The following CARHSP1 variants were observed in gnomAD, a reference collection of about 807,000 sequenced individuals.
CARHSP1 encodes calcium-regulated heat-stable protein 1.
In CARHSP1, 14 loss-of-function variants were observed where a neutral mutation model predicts 12.5. That is an observed-to-expected ratio of 1.12 (90% CI 0.74 to 1.75). The LOEUF (loss-of-function observed/expected upper bound fraction) is 1.75. Among genes scored for constraint, CARHSP1 ranks in the 40% most tolerant of loss-of-function variants. The pLI, the probability that CARHSP1 is intolerant of heterozygous loss-of-function variation, is 0.00. For synonymous variants in CARHSP1, 161 were observed against 82.0 expected, an observed-to-expected ratio of 1.96 and a Z score of -5.20; for missense variants, 343 against 201.6, an observed-to-expected ratio of 1.70 and a Z score of -4.25.
chr16:8,862,102 A>T lies in CARHSP1; in HGVS notation c.-7-2767T>A, dbSNP rs548865460. On this transcript the variant is annotated intron_variant, in intron 1 of 3. Coordinates refer to ENST00000311052, the MANE Select transcript of CARHSP1 (RefSeq NM_014316.4). ...ACTGCAACCTCCACCTTCTGGGTTCAAGTGATTCTCCTGCCTCAGCCTCCC... is the reference window on the plus strand; with the variant it reads ...ACTGCAACCTCCACCTTCTGGGTTCTAGTGATTCTCCTGCCTCAGCCTCCC... Among the ~76,000 whole-genome samples the T allele has an allele frequency of 3.7e-4, 55 of 147,466 alleles. 1 individual carries two copies. The highest frequency in any genetic ancestry group is 3.3e-3 in the Admixed American group (47 of 14,386).
intron 1 of CARHSP1, among the ~76,000 whole-genome samples, chr16:8,864,606 G>A (rs168841): frequency 0.14 from 21,583 of 152,162 alleles, 1,893 homozygotes; most frequent in Admixed American, 0.24. Flanking sequence ...GAAATGCTAC[G>A]GAGAAAAAGC....
chr16:8,858,383 T>G lies in CARHSP1; in HGVS notation c.248A>C (p.Asp83Ala), dbSNP rs146191032. The part of the protein sequence containing the change: ...SKGHGFITPA[D>A]GGPDIFLHIS... ...GTGCAGGAAGATGTCGGGGCCGCCA[T>G]CAGCTGGAGTAATGAAGCCATGGCC... is the stretch of plus-strand genomic sequence containing the variant. Residue 83 changes from aspartate (D) to alanine (A), a missense_variant, in exon 3 of 4, where the codon GAT becomes GCT. Physicochemically the swap from Asp to Ala is moderately radical, Grantham distance 126. Coordinates refer to ENST00000311052, the MANE Select transcript of CARHSP1 (RefSeq NM_014316.4). The G allele has an allele frequency of 1.8e-5, 29 of 1,613,858 alleles. No homozygotes were observed. Among genetic ancestry groups the G allele is most frequent in the African/African-American group, 2.7e-5 (2 of 74,882 alleles).
At chr16:8,862,919 C>T (rs2061391820) in intron 1 of CARHSP1, among the ~76,000 whole-genome samples, 1 of 152,060 alleles carries the variant, frequency 6.6e-6, no homozygotes, top group South Asian at 2.1e-4. Context: ...ATGGGGGCCC[C>T]CTTCTTTCTC....
rs12921402 is a variant in CARHSP1, at chr16:8,857,282, T to G, written c.281+1068A>C. 3.2e-4 allele frequency among the ~76,000 whole-genome samples: 40 copies of G among 124,254 alleles called. 1 individual carries two copies. The highest frequency in any genetic ancestry group is 4.5e-4 in the African/African-American group (15 of 33,494). 81.5% of individuals were successfully genotyped at this position (124,254 alleles called of 152,430 possible). ...AGATCTGTTTTTTTTTTTTTTTTTT[T>G]TTTTTTTTTTTTTTTTTGAGATGGA... On this transcript the variant is annotated intron_variant, in intron 3 of 3. Transcript: ENST00000311052.
intron 3 of CARHSP1, 148 bp downstream of exon 3, chr16:8,858,202 C>T: frequency 1.1e-6 from 1 of 939,704 alleles, no homozygotes; most frequent in African/African-American, 1.7e-5. Flanking sequence ...AGGAGCACAG[C>T]TGGAGCACCA....
chr16:8,861,718 CG>C, intron 1 of CARHSP1: 5 of 1,288,056 alleles, frequency 3.9e-6, no homozygotes, highest in Non-Finnish European at 4.0e-6. Flanking sequence ...CTCCTGAGTC[CG>C]GGGAGCCCCC....
At chr16:8,866,810 G>A (rs1294604290) in intron 1 of CARHSP1, among the ~76,000 whole-genome samples, 1 of 152,136 alleles carries the variant, frequency 6.6e-6, no homozygotes, top group Non-Finnish European at 1.5e-5. Flanking sequence ...CTAAGGACCT[G>A]AAGCCAACAG....
At chr16:8,864,726 C>T (rs749882127) in intron 1 of CARHSP1, among the ~76,000 whole-genome samples, 2 of 152,204 alleles carry the variant, frequency 1.3e-5, no homozygotes, top group Non-Finnish European at 2.9e-5. Flanking sequence ...GGAGGGAGCC[C>T]AGGGTGGTGG....
chr16:8,861,414 T>G (rs567874668), intron 1 of CARHSP1, among the ~76,000 whole-genome samples: 191 of 151,858 alleles, frequency 1.3e-3, no homozygotes, highest in Non-Finnish European at 2.4e-3. Context: ...CAACCTCAGT[T>G]TGCCCCCCCA....
At chr16:8,866,123 T>G (rs571211511) in intron 1 of CARHSP1, among the ~76,000 whole-genome samples, 1 of 152,088 alleles carries the variant, frequency 6.6e-6, no homozygotes, top group African/African-American at 2.4e-5. Flanking sequence ...CCAGCTAATT[T>G]TTTTATTTTT....
In CARHSP1 at chr16:8,859,261, G is replaced by T. The variant is rs544965817; in HGVS notation, c.68C>A (p.Thr23Asn). 1.9e-6 allele frequency: 3 copies of T among 1,602,580 alleles called. No individual in the cohort carries two copies. Among genetic ancestry groups the T allele is most frequent in the Admixed American group, 1.7e-5 (1 of 58,130 alleles). The change falls in exon 2 of 4, where the codon ACC becomes AAC. Residue 23 changes from threonine to asparagine, a missense_variant. Coordinates refer to ENST00000311052, the MANE Select transcript of CARHSP1 (RefSeq NM_014316.4). ...TGGTGAGCGCTCACGGCTCCGAGGG[G>T]TGTCCAGCAGCCCGACTGAAGCTTG... Reference protein sequence around the residue: ...THQASVGLLDTPRSRERSPSP... With the variant: ...THQASVGLLDNPRSRERSPSP...
In CARHSP1 at chr16:8,855,163, C is replaced by T. The variant is rs769656308; in HGVS notation, c.*1G>A. ...AGGACAAGGGGTGCTTCCACCATCT[C>T]CTAGGAGCTGATGACATGTCCAGAC... On this transcript the variant is annotated 3_prime_UTR_variant, in exon 4 of 4. Coordinates refer to ENST00000311052, the MANE Select transcript of CARHSP1 (RefSeq NM_014316.4). The T allele has an allele frequency of 1.0e-5, 16 of 1,588,814 alleles. No individual in the cohort carries two copies. The highest frequency in any genetic ancestry group is 1.4e-5 in the Non-Finnish European group (16 of 1,164,934).
At chr16:8,860,427 C>G in intron 1 of CARHSP1, 1 of 985,418 alleles carries the variant, frequency 1.0e-6, no homozygotes, top group Non-Finnish European at 1.2e-6. Context: ...GCAGGACACT[C>G]GCTGTACACA....
rs751293934 is a variant in CARHSP1 at position 8,855,058 on chromosome 16, C to T, written c.*106G>A. 4.5e-4 allele frequency: 485 copies of T among 1,081,848 alleles called. 1 individual carries two copies. The highest frequency in any genetic ancestry group is 5.8e-4 in the Non-Finnish European group (460 of 790,600). 67.0% of individuals were successfully genotyped at this position (1,081,848 alleles called of 1,614,324 possible). On this transcript the variant is annotated 3_prime_UTR_variant, in exon 4 of 4. Coordinates refer to ENST00000311052, the MANE Select transcript of CARHSP1 (RefSeq NM_014316.4). ...GGAGATACTTGAGAGGGACCATGCC[C>T]GGCTGAAGCCCCGTCTCGTGTGGAA...
chr16:8,859,523 C>A (rs377024657), intron 1 of CARHSP1, among the ~76,000 whole-genome samples, 188 bp from the exon 2 acceptor site: 1 of 151,840 alleles, frequency 6.6e-6, no homozygotes, highest in Non-Finnish European at 1.5e-5. Context: ...CTGAAGCAAC[C>A]GTGGGGCCCC....
At chr16:8,865,066 C>T (rs558828682) in intron 1 of CARHSP1, among the ~76,000 whole-genome samples, 1 of 152,202 alleles carries the variant, frequency 6.6e-6, no homozygotes, top group Non-Finnish European at 1.5e-5. Flanking sequence ...GTGCTATCAG[C>T]CATTTACACT....
Position 8,859,285 on chromosome 16 carries a change from T to C in CARHSP1, c.44A>G (p.Gln15Arg). 2 of 1,598,980 alleles carry C rather than the reference T, an allele frequency of 1.3e-6. No individual in the cohort carries two copies. Among genetic ancestry groups the C allele is most frequent in the Non-Finnish European group, 8.5e-7 (1 of 1,175,856 alleles). Residue 15 changes from glutamine (Q) to arginine (R), a missense_variant, in exon 2 of 4, where the codon CAA becomes CGA. Gln to Arg is a conservative substitution (Grantham distance 43). Transcript: ENST00000311052. The part of the protein sequence containing the change: ...PPPPPQPPTH[Q>R]ASVGLLDTPR... ...GGTGTCCAGCAGCCCGACTGAAGCT[T>C]GATGGGTGGGGGGCTGTGGTGGTGG...
At chr16:8,855,670 A>T (rs1311593687) in intron 3 of CARHSP1, among the ~76,000 whole-genome samples, 1 of 132,150 alleles carries the variant, frequency 7.6e-6, no homozygotes, top group African/African-American at 2.8e-5. Context: ...AGTCCAAGCC[A>T]GAGAGCCAGA....
chr16:8,858,517 G>C, intron 2 of CARHSP1, 45 bp from the exon 3 acceptor site: 1 of 1,602,278 alleles, frequency 6.2e-7, no homozygotes, highest in East Asian at 2.2e-5. Flanking sequence ...AGCGCTCCTG[G>C]GCACACAAAG....
Sources: gnomAD v4.1 joint callset for allele counts (sites outside exome capture counted in the v4.1 genomes callset) on GRCh38, gnomAD v4.1.1 for gene constraint, MANE v1.5 for transcripts, NCBI Gene and HGNC (gene_info 2026-07-23, HGNC 2026-07-21) for gene names.